Variants in ZNF334 observed in about 807,000 individuals in gnomAD.
ZNF334 encodes zinc finger protein 334.
Under a neutral mutation model 12.4 loss-of-function variants are expected in ZNF334, and 14 were observed. The observed-to-expected ratio is 1.13, with a 90% CI of 0.74 to 1.76. The LOEUF (loss-of-function observed/expected upper bound fraction) is 1.76, where lower values mean the gene tolerates loss of function less well. Among genes scored for constraint, ZNF334 ranks in the 40% most tolerant of loss-of-function variants. ZNF334 has a pLI of 0.00. For missense variants in ZNF334, 797 were observed against 804.5 expected (o/e 0.99, Z 0.11); for synonymous variants, 273 against 269.6 (o/e 1.01, Z -0.12).
chr20:46,503,257 T>G (rs1341365819), intron 4 of ZNF334, among the ~76,000 whole-genome samples, 160 bp from the exon 5 acceptor site: 3 of 152,210 alleles, frequency 2.0e-5, no homozygotes, highest in Admixed American at 6.5e-5. Flanking sequence ...CTTGGTTGAT[T>G]TGAAGAAATA....
In ZNF334 at chr20:46,502,486, T is replaced by C. The variant is rs1431566646; in HGVS notation, c.853A>G (p.Arg285Gly). The C allele has an allele frequency of 6.2e-7, 1 of 1,613,668 alleles. No homozygotes were observed. The highest frequency in any genetic ancestry group is 8.5e-7 in the Non-Finnish European group (1 of 1,179,804). Reference sequence around the variant, plus strand: ...TAGGGTCTCTCTCCAGTATGAATTCTTCGGTGTCGAGTGAGGCTTGTCTTC... The same window carrying C: ...TAGGGTCTCTCTCCAGTATGAATTCCTCGGTGTCGAGTGAGGCTTGTCTTC... ...RVKTSLTRHR[R>G]IHTGERPYEC... The change falls in exon 5 of 5, where the codon AGA (arginine) becomes GGA (glycine). Residue 285 changes from arginine (R) to glycine (G), a missense_variant. Physicochemically the swap from Arg to Gly is moderately radical, Grantham distance 125 (BLOSUM62 -2). Transcript: ENST00000692313.
chr20:46,509,942 C>T (rs909445948), intron 2 of ZNF334, among the ~76,000 whole-genome samples: 1 of 152,212 alleles, frequency 6.6e-6, no homozygotes, highest in African/African-American at 2.4e-5. Context: ...CTTTCTCTTT[C>T]ACTAGCACAT....
chr20:46,465,889 A>T, the ZNF334 span, among the ~76,000 whole-genome samples: 1 of 152,062 alleles, frequency 6.6e-6, no homozygotes, highest in Admixed American at 6.6e-5. Context: ...CAGGAGGTGG[A>T]GCTTGCAGTG....
downstream of ZNF334, among the ~76,000 whole-genome samples, chr20:46,498,499 T>C (rs1055334492): frequency 6.6e-6 from 1 of 152,198 alleles, no homozygotes; most frequent in African/African-American, 2.4e-5. Context: ...AGTCTTTACA[T>C]GACTGCATCC....
Position 46,502,997 on chromosome 20 carries a change from A to T in ZNF334, c.342T>A (p.Asn114Lys). Residue 114 changes from asparagine (N) to lysine (K), a missense_variant, in exon 5 of 5, where the codon AAT (asparagine) becomes AAA (lysine). By Grantham distance (94) the Asn-to-Lys change is moderately conservative (BLOSUM62 0). Coordinates refer to ENST00000692313, the MANE Select transcript of ZNF334 (RefSeq NM_001353824.2). ...CCAGATTAAGTGTTTTCCCAAATAC[A>T]TTCTCTCTTTCTGTAATCAGTGTTT... ...SNKTLITERE[N>K]VFGKTLNLGM... 6.2e-7 allele frequency: 1 copy of T among 1,613,998 alleles called. No individual in the cohort carries two copies. The highest frequency in any genetic ancestry group is 1.1e-5 in the South Asian group (1 of 91,076).
At chr20:46,488,368 G>A in the ZNF334 span, among the ~76,000 whole-genome samples, 7 of 141,602 alleles carry the variant, frequency 4.9e-5, no homozygotes, top group East Asian at 6.1e-4. Flanking sequence ...ACCTGCAAGC[G>A]ATAGTATACT....
the ZNF334 span, among the ~76,000 whole-genome samples, chr20:46,493,381 G>A: frequency 6.6e-6 from 1 of 152,234 alleles, no homozygotes. Flanking sequence ...CTAGTAGACA[G>A]TGAAAAGCAA....
At chr20:46,476,972 C>T in the ZNF334 span, 1 of 152,134 alleles carries the variant, frequency 6.6e-6, no homozygotes. Flanking sequence ...AAAATAATCC[C>T]ATACACCGAT....
Position 46,502,610 on chromosome 20 carries a change from C to T in ZNF334, c.729G>A (p.Arg243=), listed in dbSNP as rs542731593. 1 of 1,612,818 alleles carries T rather than the reference C, an allele frequency of 6.2e-7. No homozygotes were observed. Among genetic ancestry groups the T allele is most frequent in the African/African-American group, 1.3e-5 (1 of 74,960 alleles). The change falls in exon 5 of 5, where the codon AGG becomes AGA. Residue 243 remains arginine, a synonymous_variant. Transcript: ENST00000692313. ...ERKPNECNEC[R]KTFSKRSTLI... ...GGGTAGATCTCTTAGAAAAGGTTTT[C>T]CTACATTCATTACATTCATTTGGTT...
downstream of ZNF334, among the ~76,000 whole-genome samples, chr20:46,494,941 T>C (rs2060996464): frequency 3.3e-5 from 5 of 152,292 alleles, no homozygotes. Flanking sequence ...ATGTCTCCAG[T>C]TTTGTAAAAA....
the ZNF334 span, among the ~76,000 whole-genome samples, chr20:46,493,714 G>T: frequency 3.3e-5 from 5 of 152,344 alleles, no homozygotes; most frequent in Admixed American, 6.5e-5. Flanking sequence ...AACCAACAAG[G>T]GATTTACCAT....
intron 2 of ZNF334, among the ~76,000 whole-genome samples, chr20:46,511,653 C>T (rs2061654537): frequency 6.6e-6 from 1 of 152,216 alleles, no homozygotes; most frequent in Admixed American, 6.5e-5. Context: ...GGATCATAGA[C>T]ATCACAGAGA....
chr20:46,506,597 T>A (rs898621883), intron 2 of ZNF334: 5 of 362,876 alleles, frequency 1.4e-5, no homozygotes, highest in Non-Finnish European at 2.4e-5. Context: ...GCAGCCTGGG[T>A]GACAGTGCAA....
chr20:46,479,320 G>C, the ZNF334 span, among the ~76,000 whole-genome samples: 2 of 151,982 alleles, frequency 1.3e-5, no homozygotes, highest in Admixed American at 6.6e-5. Context: ...TCCCAACTCA[G>C]GATTCTGTAA....
the ZNF334 span, among the ~76,000 whole-genome samples, chr20:46,485,907 C>T: frequency 6.6e-6 from 1 of 152,150 alleles, no homozygotes; most frequent in Admixed American, 6.5e-5. Flanking sequence ...CAAAATACTT[C>T]TTTTCTCTCC....
chr20:46,487,870 A>G, the ZNF334 span, among the ~76,000 whole-genome samples: 1 of 152,100 alleles, frequency 6.6e-6, no homozygotes, highest in Admixed American at 6.5e-5. Flanking sequence ...CTTTTCGTTG[A>G]GGTGCTTATA....
chr20:46,475,846 C>T, the ZNF334 span, among the ~76,000 whole-genome samples: 27 of 152,202 alleles, frequency 1.8e-4, no homozygotes, highest in Non-Finnish European at 7.3e-5. Flanking sequence ...ATGGTACAAT[C>T]ACTCTGGAAA....
chr20:46,466,855 C>A, the ZNF334 span, among the ~76,000 whole-genome samples: 36 of 152,230 alleles, frequency 2.4e-4, no homozygotes, highest in African/African-American at 8.7e-4. Context: ...AAAATGATAT[C>A]TAGGATGGGT....
chr20:46,492,151 TA>T, the ZNF334 span: 7 of 152,682 alleles, frequency 4.6e-5, no homozygotes, highest in Admixed American at 1.3e-4. Flanking sequence ...GTAATGAATG[TA>T]AGAAAGCCTT....
Sources: gnomAD v4.1 joint callset for allele counts (sites outside exome capture counted in the v4.1 genomes callset) on GRCh38, gnomAD v4.1.1 for gene constraint, MANE v1.5 for transcripts, NCBI Gene and HGNC (gene_info 2026-07-23, HGNC 2026-07-21) for gene names.